Variants in ERC2 observed in about 807,000 individuals in gnomAD.
ERC2 encodes the protein ELKS/RAB6-interacting/CAST family member 2, also known as ERC protein 2.
In ERC2, 42 loss-of-function variants were observed where a neutral mutation model predicts 114.8. That is an observed-to-expected ratio of 0.37 (90% CI 0.29 to 0.47). ERC2 has a LOEUF of 0.47. Ranked by LOEUF, ERC2 falls within the 20% of genes least tolerant of loss-of-function variation. The pLI, the probability that ERC2 is intolerant of heterozygous loss-of-function variation, is 0.99. For missense variants in ERC2, 939 were observed against 1,150.7 expected, an observed-to-expected ratio of 0.82 and a Z score of 2.66; for synonymous variants, 454 against 425.5, an observed-to-expected ratio of 1.07 and a Z score of -0.82.
At chr3:56,336,665 G>C (rs996598370) in intron 2 of ERC2, among the ~76,000 whole-genome samples, 3 of 152,074 alleles carry the variant, frequency 2.0e-5, no homozygotes, top group African/African-American at 7.2e-5. Flanking sequence ...ATGGTGGCAG[G>C]CGCCTGTAAT....
At chr3:55,580,346 G>A (rs1030030901) in intron 17 of ERC2, among the ~76,000 whole-genome samples, 1 of 152,060 alleles carries the variant, frequency 6.6e-6, no homozygotes, top group Non-Finnish European at 1.5e-5. Flanking sequence ...AATCTTGAGG[G>A]CAAGAAACCT....
intron 1 of ERC2, among the ~76,000 whole-genome samples, chr3:56,445,786 G>A (rs1025506150): frequency 9.2e-5 from 14 of 152,032 alleles, no homozygotes; most frequent in Non-Finnish European, 1.9e-4. Context: ...CTCTTTGCAG[G>A]GCTAATTCCT....
intron 15 of ERC2, among the ~76,000 whole-genome samples, chr3:55,714,688 T>TACACATATATATATATAC (rs1553639622): frequency 2.7e-4 from 28 of 101,888 alleles, no homozygotes; most frequent in Non-Finnish European, 2.0e-4. Context: ...TATATATATA[T>TACACATATATATATATAC]ATATATATAT....
intron 12 of ERC2, among the ~76,000 whole-genome samples, chr3:55,953,756 G>C (rs191264855): frequency 0.012 from 1,782 of 152,154 alleles, 27 homozygotes; most frequent in Middle Eastern, 0.02. Context: ...TTAGAGAAGA[G>C]AAAATGCCCT....
At chr3:55,672,976 T>C (rs1260586618) in intron 17 of ERC2, among the ~76,000 whole-genome samples, 1 of 152,170 alleles carries the variant, frequency 6.6e-6, no homozygotes, top group African/African-American at 2.4e-5. Context: ...AGAAAATTCA[T>C]CTGGTGCATC....
intron 17 of ERC2, among the ~76,000 whole-genome samples, chr3:55,594,468 T>TA (rs59497994): frequency 0.95 from 144,138 of 152,084 alleles, 68,712 homozygotes; most frequent in East Asian, 1. Flanking sequence ...ATAGAGCAGG[T>TA]AGTTTTATTG....
intron 12 of ERC2, among the ~76,000 whole-genome samples, chr3:55,961,393 T>C (rs914075655): frequency 2.0e-5 from 3 of 152,162 alleles, no homozygotes. Context: ...CTGGAAGCTG[T>C]CTTGGCCTAT....
chr3:55,875,416 G>C (rs1455245633), intron 14 of ERC2, among the ~76,000 whole-genome samples: 3 of 152,140 alleles, frequency 2.0e-5, no homozygotes, highest in Non-Finnish European at 4.4e-5. Flanking sequence ...TCTCAGAGTT[G>C]GCCTCAGCTT....
At chr3:55,785,487 T>A (rs1198314377) in intron 14 of ERC2, among the ~76,000 whole-genome samples, 1 of 152,178 alleles carries the variant, frequency 6.6e-6, no homozygotes, top group Non-Finnish European at 1.5e-5. Context: ...GTTATCATGG[T>A]CCTTACTATG....
Position 55,864,128 on chromosome 3 carries a change from CAT to C in ERC2, c.2564+24259_2564+24260del, listed in dbSNP as rs1312516557. 6.2e-3 allele frequency among the ~76,000 whole-genome samples: 718 copies of C among 115,242 alleles called. 4 individuals carry two copies. The highest frequency in any genetic ancestry group is 0.022 in the African/African-American group (608 of 27,694). 75.6% of individuals were successfully genotyped at this position (115,242 alleles called of 152,430 possible). On this transcript the variant is annotated intron_variant, in intron 14 of 17. Transcript: ENST00000288221. The stretch of plus-strand genomic sequence containing the variant: ...ATATATATATATATATACACACACA[CAT>C]ATATATATACATATATATATATATA...
chr3:55,841,911 T>C (rs1272552979), intron 14 of ERC2, among the ~76,000 whole-genome samples: 1 of 152,172 alleles, frequency 6.6e-6, no homozygotes, highest in African/African-American at 2.4e-5. Context: ...CTTGAAAACA[T>C]CCTGCCAAAA....
chr3:56,467,489 T>C (rs1577094297), intron 1 of ERC2, among the ~76,000 whole-genome samples: 1 of 152,152 alleles, frequency 6.6e-6, no homozygotes, highest in East Asian at 1.9e-4. Flanking sequence ...CGCTATTTTA[T>C]TACCCCGAAC....
intron 14 of ERC2, among the ~76,000 whole-genome samples, chr3:55,832,248 A>G (rs1441568654): frequency 1.3e-5 from 2 of 152,210 alleles, no homozygotes; most frequent in South Asian, 2.1e-4. Context: ...GCTTTGAAGA[A>G]AGCAGTGGTT....
intron 2 of ERC2, among the ~76,000 whole-genome samples, chr3:56,298,813 C>T (rs1015292749): frequency 7.2e-5 from 11 of 152,094 alleles, no homozygotes; most frequent in Non-Finnish European, 1.5e-4. Flanking sequence ...TATACTAAAA[C>T]CAACGAATTT....
chr3:56,009,955 A>G (rs1467587163), intron 9 of ERC2, among the ~76,000 whole-genome samples: 1 of 152,220 alleles, frequency 6.6e-6, no homozygotes, highest in African/African-American at 2.4e-5. Flanking sequence ...GAGCAGCCAC[A>G]CTTAAGCTCT....
intron 11 of ERC2, among the ~76,000 whole-genome samples, chr3:55,991,478 CCT>C (rs781738051): frequency 4.3e-4 from 66 of 152,088 alleles, no homozygotes; most frequent in Non-Finnish European, 5.4e-4. Flanking sequence ...TGCAACACTC[CCT>C]GTTTTTACAC....
chr3:56,419,749 G>A (rs2061315424), intron 2 of ERC2, among the ~76,000 whole-genome samples: 1 of 152,180 alleles, frequency 6.6e-6, no homozygotes, highest in African/African-American at 2.4e-5. Context: ...TAAATATCCT[G>A]AGATGCCCTT....
chr3:55,661,286 G>C (rs1381325665), intron 17 of ERC2, among the ~76,000 whole-genome samples: 1 of 152,192 alleles, frequency 6.6e-6, no homozygotes, highest in Admixed American at 6.5e-5. Context: ...CTCTGAGGCT[G>C]AATTTACTTT....
At chr3:55,855,787 T>C (rs1034325064) in intron 14 of ERC2, among the ~76,000 whole-genome samples, 1 of 152,222 alleles carries the variant, frequency 6.6e-6, no homozygotes, top group African/African-American at 2.4e-5. Context: ...TAAAAGCAAA[T>C]GCTAGAATGC....
Sources: gnomAD v4.1 joint callset for allele counts (sites outside exome capture counted in the v4.1 genomes callset) on GRCh38, gnomAD v4.1.1 for gene constraint, MANE v1.5 for transcripts, NCBI Gene and HGNC (gene_info 2026-07-23, HGNC 2026-07-21) for gene names.